The following GLRB variants were observed in gnomAD, a reference collection of about 807,000 sequenced individuals.
GLRB encodes the protein glycine receptor subunit beta.
A neutral mutation model predicts 54.2 loss-of-function variants in GLRB; 33 were observed. That is an observed-to-expected ratio of 0.61 (90% CI 0.46 to 0.81). The LOEUF (loss-of-function observed/expected upper bound fraction) is 0.81, where lower values mean the gene tolerates loss of function less well. Ranked by LOEUF, GLRB falls within the 40% of genes least tolerant of loss-of-function variation. The pLI, the probability that GLRB is intolerant of heterozygous loss-of-function variation, is 0.00. For synonymous variants in GLRB, 209 were observed against 208.2 expected, an observed-to-expected ratio of 1.00 and a Z score of -0.03; for missense variants, 572 against 584.6, an observed-to-expected ratio of 0.98 and a Z score of 0.22.
At chr4:157,105,342 G>A (rs973927918) in intron 2 of GLRB, among the ~76,000 whole-genome samples, 3 of 151,812 alleles carry the variant, frequency 2.0e-5, no homozygotes, top group African/African-American at 7.3e-5. Context: ...CTTTCCTTTT[G>A]ATGCTGATTT....
chr4:157,141,298 A>G (rs1016667781), intron 7 of GLRB, among the ~76,000 whole-genome samples: 2 of 151,940 alleles, frequency 1.3e-5, no homozygotes, highest in African/African-American at 4.8e-5. Context: ...TTTATGAATT[A>G]TCATATGAAT....
intron 9 of GLRB, among the ~76,000 whole-genome samples, chr4:157,170,220 T>C (rs1311805169): frequency 6.6e-6 from 1 of 152,080 alleles, no homozygotes; most frequent in Non-Finnish European, 1.5e-5. Context: ...GTTCATTCCA[T>C]GACATAAGCC....
chr4:157,084,727 A>G (rs1487859129), intron 2 of GLRB: 2 of 455,816 alleles, frequency 4.4e-6, no homozygotes, highest in Non-Finnish European at 8.8e-6. Context: ...TAAGAAGGGT[A>G]GGTTACTGTT....
At chr4:157,115,269 T>TC (rs35940516) in intron 2 of GLRB, among the ~76,000 whole-genome samples, 2 of 146,856 alleles carry the variant, frequency 1.4e-5, no homozygotes, top group Non-Finnish European at 3.0e-5. Context: ...TTTTTTTTTT[T>TC]CCTGAACACT....
At chr4:157,165,285 TC>T (rs1737664254) in intron 9 of GLRB, among the ~76,000 whole-genome samples, 2 of 152,056 alleles carry the variant, frequency 1.3e-5, no homozygotes, top group Non-Finnish European at 2.9e-5. Context: ...TAAATTATTA[TC>T]TTTTTAATTC....
intron 8 of GLRB, among the ~76,000 whole-genome samples, chr4:157,144,748 T>C (rs902443173): frequency 6.6e-6 from 1 of 152,206 alleles, no homozygotes; most frequent in African/African-American, 2.4e-5. Flanking sequence ...GAGTATGTAG[T>C]TGCTACATTT....
At chr4:157,116,961 T>G (rs1735630159) in intron 2 of GLRB, among the ~76,000 whole-genome samples, 1 of 151,718 alleles carries the variant, frequency 6.6e-6, no homozygotes, top group African/African-American at 2.4e-5. Flanking sequence ...GTTGTTTTTT[T>G]GTTGTTGTTT....
In GLRB at chr4:157,131,949, T is replaced by C. The variant is rs565973935; in HGVS notation, c.298-4520T>C. 2.0e-5 allele frequency among the ~76,000 whole-genome samples: 3 copies of C among 151,966 alleles called. No homozygotes were observed. In the East Asian group the frequency reaches 5.8e-4, roughly 29 times the overall value. On this transcript the variant is annotated intron_variant, in intron 4 of 9. Transcript: ENST00000264428. The stretch of plus-strand genomic sequence containing the variant: ...ACCAAGGAGTGTGGTTGCTGGATCA[T>C]ATGGTAAAAGTATGTTTCGTTTTGT...
At chr4:157,130,580 T>C (rs1736178312) in intron 4 of GLRB, among the ~76,000 whole-genome samples, 1 of 151,700 alleles carries the variant, frequency 6.6e-6, no homozygotes, top group Admixed American at 6.6e-5. Context: ...ATTTCATTCC[T>C]TTTTTATGGC....
At chr4:157,122,092 G>GAAA in intron 3 of GLRB, among the ~76,000 whole-genome samples, 1 of 139,516 alleles carries the variant, frequency 7.2e-6, no homozygotes, top group African/African-American at 2.6e-5. Flanking sequence ...AATTCTTCCT[G>GAAA]AAAAAAAAAA....
chr4:157,095,542 G>A (rs1012146209), intron 2 of GLRB, among the ~76,000 whole-genome samples: 17 of 152,028 alleles, frequency 1.1e-4, no homozygotes, highest in Admixed American at 1.1e-3. Flanking sequence ...AACTAGATGA[G>A]GTCACTTAAA....
At chr4:157,150,944 T>C (rs1294576562) in intron 8 of GLRB, among the ~76,000 whole-genome samples, 2 of 152,086 alleles carry the variant, frequency 1.3e-5, no homozygotes, top group Non-Finnish European at 2.9e-5. Context: ...ACTTAAGTAT[T>C]CTTTTGATAA....
chr4:157,128,556 C>T (rs527253198), intron 4 of GLRB, among the ~76,000 whole-genome samples: 1 of 151,886 alleles, frequency 6.6e-6, no homozygotes, highest in African/African-American at 2.4e-5. Context: ...GTATTGGATG[C>T]TTTTTATACT....
Position 157,162,372 on chromosome 4 carries a change from G to A in GLRB, c.1198-8060G>A, listed in dbSNP as rs187661625. On this transcript the variant is annotated intron_variant, in intron 9 of 9. Coordinates refer to ENST00000264428, the MANE Select transcript of GLRB (RefSeq NM_000824.5). ...GTCATTCTCCATCCAGCTTTGTTCC[G>A]TTGCTGGCGAGGAGCTGCATTTCTT... is the stretch of plus-strand genomic sequence containing the variant. Among the ~76,000 whole-genome samples the A allele has an allele frequency of 5.3e-4, 81 of 152,260 alleles. 1 individual carries two copies. The East Asian group carries it at 8.3e-3, about 16-fold the overall frequency.
intron 2 of GLRB, among the ~76,000 whole-genome samples, chr4:157,099,158 G>A (rs1169773872): frequency 6.6e-6 from 1 of 151,964 alleles, no homozygotes; most frequent in African/African-American, 2.4e-5. Flanking sequence ...GTCATCCAGG[G>A]GTCTTGTCTA....
chr4:157,099,178 G>C (rs1734925480), intron 2 of GLRB, among the ~76,000 whole-genome samples: 1 of 152,046 alleles, frequency 6.6e-6, no homozygotes, highest in Admixed American at 6.6e-5. Flanking sequence ...AGGTCATATG[G>C]GGCAGGGTAG....
chr4:157,169,235 AT>A (rs1737828803), intron 9 of GLRB, among the ~76,000 whole-genome samples: 1 of 152,160 alleles, frequency 6.6e-6, no homozygotes, highest in Non-Finnish European at 1.5e-5. Context: ...TTCAATAAAA[AT>A]TGAGTAAATG....
chr4:157,160,371 C>A (rs141212889), intron 9 of GLRB, among the ~76,000 whole-genome samples: 3,627 of 152,128 alleles, frequency 0.024, 56 homozygotes, highest in African/African-American at 0.046. Context: ...TTGCCTTCTG[C>A]TAGCTTTTGA....
intron 9 of GLRB, among the ~76,000 whole-genome samples, chr4:157,158,383 G>A (rs544339370): frequency 2.2e-4 from 34 of 152,208 alleles, no homozygotes; most frequent in East Asian, 7.7e-4. Context: ...TGCTTTTGGC[G>A]TTTTAGTCAT....
Sources: allele counts gnomAD v4.1 joint callset (sites outside exome capture counted in the v4.1 genomes callset), GRCh38; gene constraint gnomAD v4.1.1; transcripts MANE v1.5; gene names NCBI Gene and HGNC (gene_info 2026-07-23, HGNC 2026-07-21).